PRCD: variants seen among roughly 807,000 people sequenced by gnomAD.
The protein encoded by PRCD is photoreceptor disc component.
PRCD carries 12 observed loss-of-function variants against 10.1 expected under a neutral mutation model. That is an observed-to-expected ratio of 1.18 (90% CI 0.76 to 1.92). PRCD has a LOEUF of 1.92. Among genes scored for constraint, PRCD ranks in the 40% most tolerant of loss-of-function variants. The pLI, the probability that PRCD is intolerant of heterozygous loss-of-function variation, is 0.00. For missense variants in PRCD, 61 were observed against 72.2 expected (o/e 0.84, Z 0.56); for synonymous variants, 31 against 26.2 (o/e 1.18, Z -0.56).
upstream of PRCD, chr17:76,537,325 G>T: frequency 1.4e-6 from 2 of 1,431,630 alleles, no homozygotes; most frequent in Non-Finnish European, 1.8e-6. Context: ...GCTCGGACCC[G>T]GGCCCAGCCC....
upstream of PRCD, chr17:76,538,143 C>A (rs1364754980): frequency 5.0e-5 from 8 of 160,596 alleles, no homozygotes; most frequent in East Asian, 1.3e-3. Flanking sequence ...GTCCAACACT[C>A]CCGAGCTTTC....
chr17:76,543,652 AAC>A, intron 4 of PRCD, 149 bp from the exon 5 acceptor site: 1 of 420,744 alleles, frequency 2.4e-6, no homozygotes, highest in Non-Finnish European at 4.9e-6. Flanking sequence ...CCTGGAACCT[AAC>A]AGTTTGCAGG....
Position 76,540,307 on chromosome 17 carries a change from C to T in PRCD, c.74+92C>T, listed in dbSNP as rs562136087. Reference sequence around the variant, plus strand: ...CCAAGCTGAAGGTGGGCAGGGGCTGCGTGAACCTTCAGCGGGGCTGGGAGG... The same window carrying T: ...CCAAGCTGAAGGTGGGCAGGGGCTGTGTGAACCTTCAGCGGGGCTGGGAGG... On this transcript the variant is annotated intron_variant, in intron 1 of 4. Coordinates refer to ENST00000592014, the MANE Select transcript of PRCD (RefSeq NM_001077620.3). The surrounding 1 kb of genome is among the most constrained non-coding windows in gnomAD (Gnocchi z 5.0). 286 of 1,406,760 alleles carry T rather than the reference C, an allele frequency of 2.0e-4. 3 individuals are homozygous for T. In the East Asian group the frequency reaches 3.0e-3, roughly 15 times the overall value. 87.1% of individuals were successfully genotyped at this position (1,406,760 alleles called of 1,614,324 possible).
At chr17:76,537,260 C>T, upstream of PRCD, 2 of 1,003,918 alleles carry the variant, frequency 2.0e-6, 1 homozygote. Flanking sequence ...CCCCACGCCG[C>T]CTGCTCCGCC....
At chr17:76,549,582 C>T (rs187505327), downstream of PRCD, among the ~76,000 whole-genome samples, 51 of 152,250 alleles carry the variant, frequency 3.3e-4, no homozygotes, top group African/African-American at 1.2e-3. Flanking sequence ...TAAAGTTATC[C>T]CAGAGGAATG....
chr17:76,528,002 C>G lies in PRCD; in HGVS notation n.45+169C>G, dbSNP rs913937445. 1 of 361,316 alleles carries G rather than the reference C, an allele frequency of 2.8e-6. No individual in the cohort carries two copies. The highest frequency in any genetic ancestry group is 2.1e-5 in the African/African-American group (1 of 47,058). The allele number at this position is 361,316 out of a possible 1,614,324, so 22.4% of individuals were successfully genotyped here. A position where few individuals can be genotyped will look rare whatever the true frequency, so the allele number is the denominator to read the frequency against. On this transcript the variant is annotated intron_variant and non_coding_transcript_variant, in intron 1 of 4. Coordinates refer to the PRCD transcript ENST00000397633. This position sits in a 1 kb window ranked among gnomAD's most constrained non-coding sequence, Gnocchi z 5.8. ...GGTCCTCTGCGCTGCTGTGGGATTTCCTCTTTGCCAGAACACTCTGTTCTC... is the reference window on the plus strand; with the variant it reads ...GGTCCTCTGCGCTGCTGTGGGATTTGCTCTTTGCCAGAACACTCTGTTCTC...
chr17:76,531,813 T>A lies in PRCD; in HGVS notation n.45+3980T>A. On this transcript the variant is annotated intron_variant and non_coding_transcript_variant, in intron 1 of 4. Transcript: ENST00000397633. This position sits in a 1 kb window ranked among gnomAD's most constrained non-coding sequence, Gnocchi z 7.4. ...GTGCTCCCCACCCCCGCACCGTCAC[T>A]GTTTTCACTACCATCAGTAGACCTC... is the stretch of plus-strand genomic sequence containing the variant. 2.6e-6 allele frequency: 2 copies of A among 763,902 alleles called. No homozygotes were observed. The highest frequency in any genetic ancestry group is 4.2e-6 in the Non-Finnish European group (2 of 475,780). The allele number at this position is 763,902 out of a possible 1,614,324, so 47.3% of individuals were successfully genotyped here.
downstream of PRCD, chr17:76,545,969 C>T (rs1461105369): frequency 1.9e-5 from 3 of 157,938 alleles, no homozygotes; most frequent in Non-Finnish European, 4.2e-5. Flanking sequence ...GGGAAGCCCC[C>T]TGTAAGCCTG....
At chr17:76,534,150 C>T (rs888345844) in intron 1 of PRCD, among the ~76,000 whole-genome samples, 11 of 80,408 alleles carry the variant, frequency 1.4e-4, no homozygotes, top group African/African-American at 6.2e-4. Context: ...TTCTCTTTCT[C>T]TCTCTCTCTC....
downstream of PRCD, among the ~76,000 whole-genome samples, chr17:76,549,646 T>C (rs1035477937): frequency 2.6e-5 from 4 of 152,242 alleles, no homozygotes; most frequent in African/African-American, 9.6e-5. Context: ...GCTTTATTAC[T>C]AACAGCTCCA....
At chr17:76,534,610 C>T (rs2074894773) in intron 1 of PRCD, among the ~76,000 whole-genome samples, 1 of 152,262 alleles carries the variant, frequency 6.6e-6, no homozygotes, top group South Asian at 2.1e-4. Context: ...CTGAGGTAGG[C>T]ACTGTTTTAA....
chr17:76,547,718 CACAT>C (rs2075066520), downstream of PRCD, among the ~76,000 whole-genome samples: 3 of 150,168 alleles, frequency 2.0e-5, no homozygotes, highest in Non-Finnish European at 4.4e-5. Context: ...CACACAGAGA[CACAT>C]ACATTCACAC....
intron 2 of PRCD, among the ~76,000 whole-genome samples, chr17:76,541,615 C>T (rs913694173): frequency 4.6e-5 from 7 of 152,146 alleles, no homozygotes; most frequent in East Asian, 1.9e-4. Context: ...GTACAGGAAG[C>T]GGAGGCATTT....
chr17:76,529,208 G>C lies in PRCD; in HGVS notation n.45+1375G>C, dbSNP rs1039771657. 117 of 985,408 alleles carry C rather than the reference G, an allele frequency of 1.2e-4. No individual in the cohort carries two copies. In the Middle Eastern group the frequency reaches 1.6e-3, roughly 13 times the overall value. 61.0% of individuals were successfully genotyped at this position (985,408 alleles called of 1,614,324 possible). ...TCCATCCTACCCTCGAGCCCATGGGGACCCTGGCAGCAGGGAGGCTCTGCA... is the reference window on the plus strand; with the variant it reads ...TCCATCCTACCCTCGAGCCCATGGGCACCCTGGCAGCAGGGAGGCTCTGCA... On this transcript the variant is annotated intron_variant and non_coding_transcript_variant, in intron 1 of 4. Coordinates refer to the PRCD transcript ENST00000397633.
At chr17:76,535,341 G>A (rs778395428), upstream of PRCD, among the ~76,000 whole-genome samples, 2 of 152,180 alleles carry the variant, frequency 1.3e-5, no homozygotes, top group Non-Finnish European at 2.9e-5. Context: ...TGTATGTTGT[G>A]TGTGGGAAGA....
Position 76,531,250 on chromosome 17 carries a change from C to T in PRCD, n.45+3417C>T. The T allele has an allele frequency of 2.3e-6, 3 of 1,317,424 alleles. No homozygotes were observed. Among genetic ancestry groups the T allele is most frequent in the African/African-American group, 1.5e-5 (1 of 67,858 alleles). 81.6% of individuals were successfully genotyped at this position (1,317,424 alleles called of 1,614,324 possible). A position where few individuals can be genotyped will look rare whatever the true frequency, so the allele number is the denominator to read the frequency against. ...GCCGAGAGGATCATTCCTAACGCAA[C>T]AGTCTGGCAGCTTTGGGAACCCCGT... On this transcript the variant is annotated intron_variant and non_coding_transcript_variant, in intron 1 of 4. Transcript: ENST00000397633. The surrounding 1 kb of genome is among the most constrained non-coding windows in gnomAD (Gnocchi z 7.4).
rs1244469129 is a variant in PRCD at position 76,530,996 on chromosome 17, C to G, written n.45+3163C>G. 1 of 1,609,628 alleles carries G rather than the reference C, an allele frequency of 6.2e-7. No individual in the cohort carries two copies. Among genetic ancestry groups the G allele is most frequent in the African/African-American group, 1.3e-5 (1 of 74,832 alleles). ...CTCCTCACGTGGTGGCGTTGGGGAC[C>G]TGCTGCACCCAGCCCACTTCCTTGT... On this transcript the variant is annotated intron_variant and non_coding_transcript_variant, in intron 1 of 4. Coordinates refer to the PRCD transcript ENST00000397633. This position sits in a 1 kb window ranked among gnomAD's most constrained non-coding sequence, Gnocchi z 6.1.
Position 76,528,943 on chromosome 17 carries a change from T to C in PRCD, n.45+1110T>C. On this transcript the variant is annotated intron_variant and non_coding_transcript_variant, in intron 1 of 4. Coordinates refer to the PRCD transcript ENST00000397633. This position sits in a 1 kb window ranked among gnomAD's most constrained non-coding sequence, Gnocchi z 5.8. ...ATGTGAGCTCTTTTTCCATTAATTC[T>C]GAAACGTGGCGCATTCTGTCCGGCC... 1 of 1,103,602 alleles carries C rather than the reference T, an allele frequency of 9.1e-7. No individual in the cohort carries two copies. The highest frequency in any genetic ancestry group is 3.9e-4 in the Middle Eastern group (1 of 2,588). The allele number at this position is 1,103,602 out of a possible 1,614,324, so 68.4% of individuals were successfully genotyped here.
In PRCD at chr17:76,528,663, A is replaced by G. The variant is rs1598199713; in HGVS notation, n.45+830A>G. On this transcript the variant is annotated intron_variant and non_coding_transcript_variant, in intron 1 of 4. Transcript: ENST00000397633. This position sits in a 1 kb window ranked among gnomAD's most constrained non-coding sequence, Gnocchi z 5.8. ...CAAACGTTACCAGAGGCAGGGAAGG[A>G]CCCTCGGGGGAAAGGGGGAGGACCT... is the stretch of plus-strand genomic sequence containing the variant. The G allele has an allele frequency of 3.2e-6, 4 of 1,251,438 alleles. No homozygotes were observed. Among genetic ancestry groups the G allele is most frequent in the Non-Finnish European group, 4.0e-6 (4 of 988,208 alleles). The allele number at this position is 1,251,438 out of a possible 1,614,324, so 77.5% of individuals were successfully genotyped here. A position where few individuals can be genotyped will look rare whatever the true frequency, so the allele number is the denominator to read the frequency against.
Sources: gnomAD v4.1 joint callset for allele counts (sites outside exome capture counted in the v4.1 genomes callset) on GRCh38, gnomAD v4.1.1 for gene constraint, Gnocchi (gnomAD v3.1) non-coding constraint, MANE v1.5 for transcripts, NCBI Gene and HGNC (gene_info 2026-07-23, HGNC 2026-07-21) for gene names.